The following RELN variants were observed in gnomAD, a reference collection of about 807,000 sequenced individuals.
The protein encoded by RELN is reelin.
In RELN, 108 loss-of-function variants were observed where a neutral mutation model predicts 427.6. The ratio of observed to expected loss-of-function variants is 0.25; its 90% CI spans 0.22 to 0.30. The LOEUF is 0.30. RELN is among the 10% of genes least tolerant of loss of function. The pLI is 1.00. For missense variants in RELN, 3,715 were observed against 4,302.8 expected, an observed-to-expected ratio of 0.86 and a Z score of 3.82; for synonymous variants, 1,524 against 1,513.4, an observed-to-expected ratio of 1.01 and a Z score of -0.16.
chr7:103,594,595 T>G (rs1328740791), intron 25 of RELN, 103 bp from the exon 26 acceptor site: 2 of 1,240,096 alleles, frequency 1.6e-6, no homozygotes, highest in African/African-American at 3.0e-5. Flanking sequence ...AAGTTTTGTT[T>G]GGTTTGATCT....
At position 103,472,696 on chromosome 7, in the gene RELN, A is replaced by G; in HGVS notation, c.*116T>C. 1 of 823,402 alleles carries G rather than the reference A, an allele frequency of 1.2e-6. No individual in the cohort carries two copies. Among genetic ancestry groups the G allele is most frequent in the Non-Finnish European group, 2.1e-6 (1 of 486,160 alleles). 51.0% of individuals were successfully genotyped at this position (823,402 alleles called of 1,614,324 possible). On this transcript the variant is annotated 3_prime_UTR_variant, in exon 65 of 65. Transcript: ENST00000428762. ...ACACTCGGTCTTGAGAAGGGCTTTCAGGTAATCACCAAGTCCTTCACAGAT... is the reference window on the plus strand; with the variant it reads ...ACACTCGGTCTTGAGAAGGGCTTTCGGGTAATCACCAAGTCCTTCACAGAT...
intron 2 of RELN, among the ~76,000 whole-genome samples, chr7:103,903,307 AAGAG>A (rs960436621): frequency 1.3e-5 from 2 of 151,904 alleles, no homozygotes; most frequent in African/African-American, 4.8e-5. Context: ...GTATTTAAGA[AAGAG>A]AGAGAAAAGT....
At chr7:103,793,868 G>C (rs960303793) in intron 3 of RELN, among the ~76,000 whole-genome samples, 1 of 152,162 alleles carries the variant, frequency 6.6e-6, no homozygotes, top group East Asian at 1.9e-4. Flanking sequence ...TCAGGTACAA[G>C]TCATTCTCGT....
chr7:103,977,978 TTA>T (rs1232393444), intron 1 of RELN, among the ~76,000 whole-genome samples: 1 of 152,226 alleles, frequency 6.6e-6, no homozygotes, highest in Non-Finnish European at 1.5e-5. Flanking sequence ...ATAACCATCC[TTA>T]AATTCTGATT....
chr7:103,938,768 A>G (rs1410312299), intron 1 of RELN, among the ~76,000 whole-genome samples: 2 of 152,210 alleles, frequency 1.3e-5, no homozygotes, highest in Non-Finnish European at 2.9e-5. Flanking sequence ...AGATATGTCA[A>G]TTAAGACTCA....
intron 58 of RELN, 56 bp downstream of exon 58, chr7:103,491,893 CACAA>C (rs898088179): frequency 6.8e-6 from 7 of 1,031,726 alleles, no homozygotes; most frequent in Admixed American, 2.0e-5. Flanking sequence ...CACACACACA[CACAA>C]CGATTTGGAT....
intron 4 of RELN, among the ~76,000 whole-genome samples, chr7:103,753,949 C>G (rs1244886339): frequency 1.3e-5 from 2 of 152,212 alleles, no homozygotes; most frequent in Non-Finnish European, 2.9e-5. Context: ...GGTAAATCAG[C>G]TCTTCTAATA....
chr7:103,501,001 G>GTACTC (rs1829008301), intron 52 of RELN, 79 bp from the exon 53 acceptor site: 1 of 1,279,964 alleles, frequency 7.8e-7, no homozygotes, highest in South Asian at 1.2e-5. Context: ...TGTGTATTCA[G>GTACTC]TACTCAAGAG....
At chr7:103,787,011 G>A (rs1452472248) in intron 3 of RELN, among the ~76,000 whole-genome samples, 2 of 152,124 alleles carry the variant, frequency 1.3e-5, no homozygotes, top group African/African-American at 2.4e-5. Flanking sequence ...TCAGACCATA[G>A]TGCCATCAAA....
intron 3 of RELN, among the ~76,000 whole-genome samples, chr7:103,805,935 T>A (rs1792588286): frequency 6.6e-6 from 1 of 152,012 alleles, no homozygotes; most frequent in South Asian, 2.1e-4. Flanking sequence ...TCCATAGAAT[T>A]TTTTTTTCAC....
At chr7:103,493,843 C>G (rs536205211) in intron 57 of RELN, among the ~76,000 whole-genome samples, 4 of 152,074 alleles carry the variant, frequency 2.6e-5, no homozygotes, top group African/African-American at 9.7e-5. Flanking sequence ...ATATTGGGTA[C>G]GGTAAGTCTC....
rs148240476 is a variant in RELN, at chr7:103,702,225, G to A, written c.806-1219C>T. 2.8e-4 allele frequency among the ~76,000 whole-genome samples: 43 copies of A among 152,278 alleles called. No homozygotes were observed. In the East Asian group the frequency reaches 7.1e-3, roughly 25 times the overall value. ...GCTTAAAATAAATATCAAACTGTGC[G>A]ACTGGAAATGGTGACAGGCAGAATT... On this transcript the variant is annotated intron_variant, in intron 8 of 64. Transcript: ENST00000428762.
chr7:103,510,896 CA>C lies in RELN; in HGVS notation c.8228del (p.Val2743GlyfsTer5). 6.2e-7 allele frequency: 1 copy of C among 1,613,548 alleles called. No individual in the cohort carries two copies. Among genetic ancestry groups the C allele is most frequent in the Non-Finnish European group, 8.5e-7 (1 of 1,179,582 alleles). On this transcript the variant is annotated frameshift_variant, in exon 51 of 65. Transcript: ENST00000428762. LOFTEE classifies it high-confidence loss of function. ...GSHDGREVYA[V>X]THDLTPTEGW... ...CTTCAGTGGGAGTCAGGTCATGGGT[CA>C]CTGCATACACCTCCCGTCCATCATG... is the stretch of plus-strand genomic sequence containing the variant.
At chr7:103,781,202 C>T (rs938306844) in intron 3 of RELN, among the ~76,000 whole-genome samples, 5 of 151,682 alleles carry the variant, frequency 3.3e-5, no homozygotes, top group African/African-American at 7.3e-5. Context: ...ATGAGCCATC[C>T]GCACTGCACT....
chr7:103,820,769 C>G (rs919059514), intron 3 of RELN, among the ~76,000 whole-genome samples: 2 of 152,008 alleles, frequency 1.3e-5, no homozygotes, highest in African/African-American at 4.8e-5. Context: ...TAATGAGGCA[C>G]TTGATGTGTT....
intron 1 of RELN, among the ~76,000 whole-genome samples, chr7:103,946,205 A>T (rs375953814): frequency 1.3e-5 from 2 of 152,206 alleles, no homozygotes; most frequent in Non-Finnish European, 2.9e-5. Context: ...ATTGAAATCA[A>T]TGTAAAGTTA....
chr7:103,520,286 AT>A (rs1474610337), intron 48 of RELN, among the ~76,000 whole-genome samples: 6 of 152,106 alleles, frequency 3.9e-5, no homozygotes. Context: ...CCATTTTATT[AT>A]GATTATTATT....
intron 2 of RELN, among the ~76,000 whole-genome samples, chr7:103,849,619 T>C (rs1354070860): frequency 6.6e-6 from 1 of 152,224 alleles, no homozygotes; most frequent in African/African-American, 2.4e-5. Context: ...AAGATGAGAC[T>C]GTATATAGTT....
chr7:103,943,848 CAAAAAAAAAAA>C (rs10631941), intron 1 of RELN, among the ~76,000 whole-genome samples: 1 of 76,440 alleles, frequency 1.3e-5, no homozygotes, highest in Non-Finnish European at 2.2e-5. Context: ...ATTCTGTCTC[CAAAAAAAAAAA>C]AAAAAAAAAA....
Sources: gnomAD v4.1 joint callset for allele counts (sites outside exome capture counted in the v4.1 genomes callset) on GRCh38, gnomAD v4.1.1 for gene constraint, MANE v1.5 for transcripts, NCBI Gene and HGNC (gene_info 2026-07-23, HGNC 2026-07-21) for gene names.